Variants in FBXO30 observed in about 807,000 individuals in gnomAD.
The protein encoded by FBXO30 is F-box only protein 30.
In FBXO30, 21 loss-of-function variants were observed where a neutral mutation model predicts 58.1. The observed-to-expected ratio is 0.36, with a 90% confidence interval of 0.26 to 0.52. The LOEUF is 0.52. Among genes scored for constraint, FBXO30 ranks in the 20% least tolerant of loss-of-function variants. FBXO30 has a pLI of 0.93. For synonymous variants in FBXO30, 309 were observed against 312.4 expected (o/e 0.99, Z 0.11); for missense variants, 744 against 897.3 (o/e 0.83, Z 2.18).
In FBXO30 at chr6:145,805,363, T is replaced by A. The variant is rs779882606; in HGVS notation, c.1043A>T (p.Asn348Ile). The change falls in exon 2 of 3, where the codon AAT becomes ATT. Residue 348 changes from asparagine (N) to isoleucine (I), a missense_variant. Transcript: ENST00000237281. Reference protein sequence around the residue: ...REIIPSSALPNGTVQHILMPD... With the variant: ...REIIPSSALPIGTVQHILMPD... ...CATGAGGATATGCTGAACTGTGCCA[T>A]TAGGCAAAGCACTGGATGGTATTAT... 1.2e-6 allele frequency: 2 copies of A among 1,614,096 alleles called. No homozygotes were observed. Among genetic ancestry groups the A allele is most frequent in the Non-Finnish European group, 1.7e-6 (2 of 1,179,984 alleles).
chr6:145,810,547 T>C (rs1484161834), intron 1 of FBXO30, among the ~76,000 whole-genome samples: 1 of 152,208 alleles, frequency 6.6e-6, no homozygotes, highest in African/African-American at 2.4e-5. Flanking sequence ...CAGAAAATAT[T>C]AGTAAATCAT....
intron 1 of FBXO30, among the ~76,000 whole-genome samples, chr6:145,807,136 C>T (rs1049993416): frequency 3.3e-5 from 5 of 152,180 alleles, no homozygotes; most frequent in Admixed American, 1.3e-4. Flanking sequence ...CTATCATGGA[C>T]CATGCACTGT....
At chr6:145,800,337 A>T in intron 2 of FBXO30, 28 bp from the exon 3 acceptor site, 1 of 1,591,924 alleles carries the variant, frequency 6.3e-7, no homozygotes, top group Non-Finnish European at 8.6e-7. Flanking sequence ...TTTAGATTTA[A>T]ACAAGTCAAT....
intron 2 of FBXO30, among the ~76,000 whole-genome samples, chr6:145,800,517 C>T (rs1288214798): frequency 6.6e-6 from 1 of 151,996 alleles, no homozygotes; most frequent in Non-Finnish European, 1.5e-5. Flanking sequence ...GACATTATGA[C>T]TTCAATAAAT....
chr6:145,813,941 C>T (rs1020879024), intron 1 of FBXO30, among the ~76,000 whole-genome samples: 2 of 152,162 alleles, frequency 1.3e-5, no homozygotes, highest in Admixed American at 6.5e-5. Context: ...TAAAAACATA[C>T]TGGCAGATTA....
rs1411784444 is a variant in FBXO30 at position 145,804,372 on chromosome 6, C to T, written c.2034G>A (p.Lys678=). Reference sequence around the variant, plus strand: ...AAGAGGTTGTAAAGATTACACTAACCTTTTCTTTTATCTGCCATGATGAAT... The same window carrying T: ...AAGAGGTTGTAAAGATTACACTAACTTTTTCTTTTATCTGCCATGATGAAT... ...EGNSSWQIKE[K]VWRFSTAFCS... Residue 678 remains lysine, a splice_region_variant and synonymous_variant, in exon 2 of 3, where the codon AAG becomes AAA. Transcript: ENST00000237281. 6.2e-6 allele frequency: 10 copies of T among 1,608,846 alleles called. No individual in the cohort carries two copies. Among genetic ancestry groups the T allele is most frequent in the Non-Finnish European group, 4.2e-6 (5 of 1,177,546 alleles).
In FBXO30 at chr6:145,805,484, T is replaced by C. The variant is rs375636547; in HGVS notation, c.922A>G (p.Lys308Glu). The C allele has an allele frequency of 2.2e-4, 353 of 1,607,370 alleles. No individual in the cohort carries two copies. The highest frequency in any genetic ancestry group is 2.9e-4 in the Non-Finnish European group (341 of 1,176,252). ...DQNQNLHGDS[K>E]QSNLTNGDCV... is the part of the protein sequence containing the mutation. Reference sequence around the variant, plus strand: ...TCTCCATTTGTTAAGTTACTTTGTTTTGAATCACCATGTAAATTCTGATTC... The same window carrying C: ...TCTCCATTTGTTAAGTTACTTTGTTCTGAATCACCATGTAAATTCTGATTC... Residue 308 changes from lysine to glutamate, a missense_variant, in exon 2 of 3, where the codon AAA (lysine) becomes GAA (glutamate). Lys to Glu is a moderately conservative substitution (Grantham distance 56). Around this residue, in one of 3 missense-constraint regions of FBXO30, gnomAD observed 275 missense variants for 262.0 expected, o/e 1.05. Coordinates refer to ENST00000237281, the MANE Select transcript of FBXO30 (RefSeq NM_032145.5).
At position 145,804,379 on chromosome 6, in the gene FBXO30, T is replaced by C. The variant is rs1778099221; in HGVS notation, c.2027A>G (p.Lys676Arg). The C allele has an allele frequency of 1.2e-6, 2 of 1,610,492 alleles. No homozygotes were observed. Among genetic ancestry groups the C allele is most frequent in the Non-Finnish European group, 1.7e-6 (2 of 1,178,330 alleles). Residue 676 changes from lysine to arginine, a missense_variant, in exon 2 of 3, where the codon AAA (lysine) becomes AGA (arginine). Lys to Arg is a conservative substitution (Grantham distance 26). Transcript: ENST00000237281. ...TGTAAAGATTACACTAACCTTTTCT[T>C]TTATCTGCCATGATGAATTTCCTTC... ...YPEGNSSWQI[K>R]EKVWRFSTAF...
At chr6:145,803,544 CATATT>C (rs1256244179) in intron 2 of FBXO30, among the ~76,000 whole-genome samples, 13 of 152,074 alleles carry the variant, frequency 8.5e-5, no homozygotes, top group African/African-American at 4.8e-5. Context: ...GTAAAAGTTT[CATATT>C]ATAAGTGTTC....
chr6:145,807,271 G>A (rs1429788331), intron 1 of FBXO30, among the ~76,000 whole-genome samples: 1 of 152,082 alleles, frequency 6.6e-6, no homozygotes, highest in Non-Finnish European at 1.5e-5. Flanking sequence ...GAAGTAAAAT[G>A]GTACCAATAG....
At chr6:145,810,706 T>C (rs1403087265) in intron 1 of FBXO30, among the ~76,000 whole-genome samples, 4 of 152,170 alleles carry the variant, frequency 2.6e-5, no homozygotes, top group Non-Finnish European at 4.4e-5. Context: ...GGCATAAATA[T>C]ATTGCCCTCA....
chr6:145,803,004 C>CTA (rs1451111184), intron 2 of FBXO30, among the ~76,000 whole-genome samples: 1 of 152,000 alleles, frequency 6.6e-6, no homozygotes, highest in Admixed American at 6.6e-5. Flanking sequence ...TTTGAGAAAG[C>CTA]TATAGGATAA....
chr6:145,794,644 T>C lies in FBXO30; in HGVS notation c.*5462A>G, dbSNP rs1777834590. 1 of 151,868 alleles carries C rather than the reference T, an allele frequency of 6.6e-6. No individual in the cohort carries two copies. Among genetic ancestry groups the C allele is most frequent in the Non-Finnish European group, 1.5e-5 (1 of 67,802 alleles). The allele number at this position is 151,868 out of a possible 1,614,324, so 9.4% of individuals were successfully genotyped here. On this transcript the variant is annotated 3_prime_UTR_variant, in exon 3 of 3. Coordinates refer to ENST00000237281, the MANE Select transcript of FBXO30 (RefSeq NM_032145.5). ...GACATCCAGTTGACATAATCATTCA[T>C]TGGGTAATTTTACTCTTGAGCAGAC...
intron 2 of FBXO30, among the ~76,000 whole-genome samples, chr6:145,803,736 C>T (rs1330472991): frequency 6.6e-6 from 1 of 152,110 alleles, no homozygotes; most frequent in African/African-American, 2.4e-5. Context: ...TGCATCACTC[C>T]TTTGGACTCT....
intron 1 of FBXO30, among the ~76,000 whole-genome samples, chr6:145,810,046 T>C (rs1003500890): frequency 1.1e-4 from 16 of 152,370 alleles, no homozygotes; most frequent in Admixed American, 4.6e-4. Context: ...GAAAGTCTTT[T>C]GGTCCCTTCC....
At chr6:145,806,773 G>A (rs940544435) in intron 1 of FBXO30, among the ~76,000 whole-genome samples, 1 of 152,144 alleles carries the variant, frequency 6.6e-6, no homozygotes, top group African/African-American at 2.4e-5. Flanking sequence ...TTAGATTTCA[G>A]AGTGTTTTTC....
At chr6:145,808,180 TACC>T (rs1387066877) in intron 1 of FBXO30, among the ~76,000 whole-genome samples, 3 of 151,606 alleles carry the variant, frequency 2.0e-5, no homozygotes, top group Non-Finnish European at 4.4e-5. Context: ...ATCCCCCCTT[TACC>T]ACCATTTTTT....
At chr6:145,802,497 TGTAA>T (rs1778033163) in intron 2 of FBXO30, among the ~76,000 whole-genome samples, 1 of 152,078 alleles carries the variant, frequency 6.6e-6, no homozygotes, top group South Asian at 2.1e-4. Context: ...ATCAGGGAAC[TGTAA>T]GTAAATCAAT....
intron 2 of FBXO30, among the ~76,000 whole-genome samples, chr6:145,802,303 G>A (rs181827200): frequency 1.6e-4 from 24 of 152,192 alleles, no homozygotes; most frequent in Non-Finnish European, 2.2e-4. Flanking sequence ...TCGAGAAACC[G>A]GCTTCCTAAG....
Sources: gnomAD v4.1 joint callset for allele counts (sites outside exome capture counted in the v4.1 genomes callset) on GRCh38, gnomAD v4.1.1 for gene constraint, gnomAD v4.1.1 regional missense constraint, MANE v1.5 for transcripts, NCBI Gene and HGNC (gene_info 2026-07-23, HGNC 2026-07-21) for gene names.